The following ICA1 variants were observed in gnomAD, a reference collection of about 807,000 sequenced individuals.
The protein encoded by ICA1 is 69 kDa islet cell autoantigen.
ICA1 carries 40 observed loss-of-function variants against 71.0 expected under a neutral mutation model. The observed-to-expected ratio is 0.56, with a 90% CI of 0.44 to 0.73. ICA1 has a LOEUF of 0.73. Ranked by LOEUF, ICA1 falls within the 30% of genes least tolerant of loss-of-function variation. The pLI, the probability that ICA1 is intolerant of heterozygous loss-of-function variation, is 0.00. For missense variants in ICA1, 578 were observed against 576.5 expected, an observed-to-expected ratio of 1.00 and a Z score of -0.03; for synonymous variants, 207 against 209.5, an observed-to-expected ratio of 0.99 and a Z score of 0.10.
At chr7:8,170,813 T>C (rs975295322) in intron 6 of ICA1, among the ~76,000 whole-genome samples, 7 of 152,000 alleles carry the variant, frequency 4.6e-5, no homozygotes, top group Admixed American at 4.6e-4. Flanking sequence ...TTTATATGTC[T>C]TTTATTTTTC....
intron 6 of ICA1, among the ~76,000 whole-genome samples, chr7:8,202,085 A>G (rs1430646597): frequency 6.6e-6 from 1 of 152,208 alleles, no homozygotes; most frequent in East Asian, 1.9e-4. Flanking sequence ...GAGATGATTT[A>G]AAACAGTACA....
At chr7:8,213,365 T>C (rs895510694) in intron 6 of ICA1, among the ~76,000 whole-genome samples, 3 of 152,348 alleles carry the variant, frequency 2.0e-5, no homozygotes, top group Middle Eastern at 3.4e-3. Flanking sequence ...GTTCACTGTA[T>C]GGATCCAAAC....
At chr7:8,225,619 T>C (rs897475858) in intron 4 of ICA1, among the ~76,000 whole-genome samples, 4 of 152,184 alleles carry the variant, frequency 2.6e-5, no homozygotes, top group Admixed American at 1.3e-4. Flanking sequence ...TCATGTCAGC[T>C]CACAGAAGCA....
chr7:8,222,433 C>T lies in ICA1; in HGVS notation c.257-1035G>A, dbSNP rs771443917. ...ATTTCTGTATTGATGTATTTACATACCCTGTGTCTCTAAAACTGCTTTCTA... is the reference window on the plus strand; with the variant it reads ...ATTTCTGTATTGATGTATTTACATATCCTGTGTCTCTAAAACTGCTTTCTA... On this transcript the variant is annotated intron_variant, in intron 4 of 13. Transcript: ENST00000402384. This position sits in a 1 kb window ranked among gnomAD's most constrained non-coding sequence, Gnocchi z 4.8. 2.0e-5 allele frequency among the ~76,000 whole-genome samples: 3 copies of T among 152,116 alleles called. No homozygotes were observed. Among genetic ancestry groups the T allele is most frequent in the Admixed American group, 6.6e-5 (1 of 15,264 alleles).
chr7:8,224,326 C>G (rs762806384), intron 4 of ICA1, among the ~76,000 whole-genome samples: 65 of 152,062 alleles, frequency 4.3e-4, no homozygotes, highest in Non-Finnish European at 2.9e-4. Context: ...GTTTGGTGGA[C>G]AAGGGAAAAG....
At chr7:8,155,071 C>T (rs13226206) in intron 8 of ICA1, among the ~76,000 whole-genome samples, 18,925 of 152,086 alleles carry the variant, frequency 0.12, 1,357 homozygotes, top group Non-Finnish European at 0.16. Flanking sequence ...CATTGAAAGC[C>T]TAGATGAAAA....
intron 6 of ICA1, among the ~76,000 whole-genome samples, chr7:8,214,871 C>A (rs1030365317): frequency 6.6e-6 from 1 of 152,168 alleles, no homozygotes; most frequent in African/African-American, 2.4e-5. Flanking sequence ...TACACTTGAA[C>A]TTGCGATTTA....
At chr7:8,174,747 C>T (rs1162425781) in intron 6 of ICA1, among the ~76,000 whole-genome samples, 2 of 25,632 alleles carry the variant, frequency 7.8e-5, no homozygotes, top group Non-Finnish European at 2.0e-4. Context: ...CACAGCCAGA[C>T]TGTATCTCAA....
chr7:8,114,240 C>T (rs1048783472), intron 13 of ICA1, 196 bp from the exon 14 acceptor site: 15 of 580,198 alleles, frequency 2.6e-5, no homozygotes, highest in African/African-American at 2.4e-4. Flanking sequence ...CAAACCAGGG[C>T]CTGAAGCTCC....
chr7:8,232,970 G>C (rs1800725849), intron 2 of ICA1, among the ~76,000 whole-genome samples: 1 of 152,168 alleles, frequency 6.6e-6, no homozygotes, highest in African/African-American at 2.4e-5. Flanking sequence ...GAGAAATTTA[G>C]AATCTTTTGC....
chr7:8,239,408 T>C (rs753017665), intron 1 of ICA1, among the ~76,000 whole-genome samples: 116 of 152,166 alleles, frequency 7.6e-4, no homozygotes, highest in Admixed American at 5.6e-3. Flanking sequence ...CTCTGTCCAA[T>C]AGAAATAGAC....
chr7:8,157,045 G>A, intron 8 of ICA1, 71 bp downstream of exon 8: 1 of 1,612,782 alleles, frequency 6.2e-7, no homozygotes, highest in Non-Finnish European at 8.5e-7. Context: ...TTCTGCAATG[G>A]ACTTTGCTTG....
chr7:8,114,026 G>A lies in ICA1; in HGVS notation c.1349C>T (p.Ser450Leu). 6.2e-7 allele frequency: 1 copy of A among 1,614,168 alleles called. No homozygotes were observed. The highest frequency in any genetic ancestry group is 8.5e-7 in the Non-Finnish European group (1 of 1,180,018). The change falls in exon 14 of 14, where the codon TCA becomes TTA. Residue 450 changes from serine (S) to leucine (L), a missense_variant. Ser to Leu is a moderately radical substitution (Grantham distance 145). Coordinates refer to ENST00000402384, the MANE Select transcript of ICA1 (RefSeq NM_001136020.3). Reference sequence around the variant, plus strand: ...GAGGCTGAACCAGGCAGTCAGGTCTGAGGCAGCCTTAGCAGGTTCTGGGGA... The same window carrying A: ...GAGGCTGAACCAGGCAGTCAGGTCTAAGGCAGCCTTAGCAGGTTCTGGGGA... ...ASLQEPAKAASDLTAWFSLFA... is the reference protein window; with the variant it reads ...ASLQEPAKAALDLTAWFSLFA...
intron 6 of ICA1, among the ~76,000 whole-genome samples, chr7:8,169,950 C>T (rs536997902): frequency 2.1e-4 from 30 of 143,174 alleles, no homozygotes; most frequent in Middle Eastern, 3.6e-3. Context: ...ACAAACCTTC[C>T]CCTAATCTAA....
At chr7:8,228,167 T>C (rs921923058) in intron 4 of ICA1, among the ~76,000 whole-genome samples, 33 of 152,176 alleles carry the variant, frequency 2.2e-4, no homozygotes, top group African/African-American at 7.5e-4. Flanking sequence ...GAACCTAATA[T>C]CCAATGCAAA....
At chr7:8,228,813 A>C (rs375634666) in intron 3 of ICA1, 140 bp from the exon 4 acceptor site, 191 of 491,602 alleles carry the variant, frequency 3.9e-4, no homozygotes, top group African/African-American at 3.1e-3. Context: ...TATGCGGTGT[A>C]CTATACAGAA....
rs968507035 is a variant in ICA1, at chr7:8,219,334, A to G, written c.381-831T>C. 2.0e-5 allele frequency among the ~76,000 whole-genome samples: 3 copies of G among 152,382 alleles called. No individual in the cohort carries two copies. The Middle Eastern group carries it at 0.01, about 518-fold the overall frequency. The stretch of plus-strand genomic sequence containing the variant: ...TCTTCTTCATGAAGTTTCAGGGCAC[A>G]GGTGCCAAAAAATGAATATTTAAAT... On this transcript the variant is annotated intron_variant, in intron 5 of 13. Transcript: ENST00000402384.
At chr7:8,127,148 G>GT (rs34728476) in intron 13 of ICA1, among the ~76,000 whole-genome samples, 1,856 of 144,076 alleles carry the variant, frequency 0.013, 24 homozygotes, top group African/African-American at 0.034. Flanking sequence ...GCCTACCTAA[G>GT]TTTTTTTTTT....
intron 6 of ICA1, among the ~76,000 whole-genome samples, chr7:8,167,251 A>T (rs756901369): frequency 6.6e-6 from 1 of 152,250 alleles, no homozygotes; most frequent in Non-Finnish European, 1.5e-5. Context: ...AGAGTGGATA[A>T]GGAAAATGCG....
Sources: allele counts gnomAD v4.1 joint callset (sites outside exome capture counted in the v4.1 genomes callset), GRCh38; gene constraint gnomAD v4.1.1; non-coding constraint Gnocchi (gnomAD v3.1); transcripts MANE v1.5; gene names NCBI Gene and HGNC (gene_info 2026-07-23, HGNC 2026-07-21).